JAG1: variants seen among roughly 807,000 people sequenced by gnomAD.
JAG1 encodes the protein protein jagged-1.
JAG1 carries 23 observed loss-of-function variants against 148.7 expected under a neutral mutation model. That is an observed-to-expected ratio of 0.15 (90% CI 0.11 to 0.22). JAG1 has a LOEUF of 0.22. Ranked by LOEUF, JAG1 falls within the 10% of genes least tolerant of loss-of-function variation. JAG1 has a pLI of 1.00. For synonymous variants in JAG1, 572 were observed against 598.3 expected, an observed-to-expected ratio of 0.96 and a Z score of 0.64; for missense variants, 1,054 against 1,611.2, an observed-to-expected ratio of 0.65 and a Z score of 5.92.
chr20:10,668,234 C>CCT (rs2067470450), intron 2 of JAG1, among the ~76,000 whole-genome samples: 1 of 152,062 alleles, frequency 6.6e-6, no homozygotes, highest in Non-Finnish European at 1.5e-5. Flanking sequence ...AACCCAGGAC[C>CCT]CTCCTCCATT....
chr20:10,662,256 C>T (rs1249820208), intron 3 of JAG1: 1 of 152,134 alleles, frequency 6.6e-6, no homozygotes, highest in African/African-American at 2.4e-5. Flanking sequence ...GGAGATGAAA[C>T]ATCCTAGAAC....
chr20:10,657,350 T>TAA lies in JAG1; in HGVS notation c.695-894_695-893dup, dbSNP rs34844219. Among the ~76,000 whole-genome samples, 1,393 of 141,204 alleles carry TAA rather than the reference T, an allele frequency of 9.9e-3. 8 individuals carry two copies. The highest frequency in any genetic ancestry group is 0.012 in the Non-Finnish European group (770 of 64,972). 92.6% of individuals were successfully genotyped at this position (141,204 alleles called of 152,430 possible). A position where few individuals can be genotyped will look rare whatever the true frequency, so the allele number is the denominator to read the frequency against. ...GGGTGACAAAGTGAGCACCTTATCT[T>TAA]AAAAAAAAAAAAAAACACCAAACAA... On this transcript the variant is annotated intron_variant, in intron 4 of 25. Transcript: ENST00000254958.
In JAG1 at chr20:10,639,519, G is replaced by C; in HGVS notation, c.3636C>G (p.Asn1212Lys). 6.2e-7 allele frequency: 1 copy of C among 1,614,146 alleles called. No homozygotes were observed. Among genetic ancestry groups the C allele is most frequent in the Non-Finnish European group, 8.5e-7 (1 of 1,180,022 alleles). Residue 1212 changes from asparagine (N) to lysine (K), a missense_variant, in exon 26 of 26, where the codon AAC (asparagine) becomes AAG (lysine). Coordinates refer to ENST00000254958, the MANE Select transcript of JAG1 (RefSeq NM_000214.3). Reference sequence around the variant, plus strand: ...TCTGCTATACGATGTACTCCATTCGGTTTAAGCTCTGGGCACTTTCCAAGT... The same window carrying C: ...TCTGCTATACGATGTACTCCATTCGCTTTAAGCTCTGGGCACTTTCCAAGT... Reference protein sequence around the residue: ...NRDLESAQSLNRMEYIV With the variant: ...NRDLESAQSLKRMEYIV
rs777219419 is a variant in JAG1, at chr20:10,639,128, CAA to C, written c.*368_*369del. 1.8e-4 allele frequency: 50 copies of C among 281,978 alleles called. No individual in the cohort carries two copies. The highest frequency in any genetic ancestry group is 2.3e-4 in the Admixed American group (5 of 22,050). 17.5% of individuals were successfully genotyped at this position (281,978 alleles called of 1,614,324 possible). On this transcript the variant is annotated 3_prime_UTR_variant, in exon 26 of 26. Transcript: ENST00000254958. ...ATAAAACCAATATACAAAAACAACTCAAGAGTCAATAAATATAAATAAAACTA... is the reference window on the plus strand; with the variant it reads ...ATAAAACCAATATACAAAAACAACTCGAGTCAATAAATATAAATAAAACTA...
chr20:10,667,600 T>C (rs1041040363), intron 2 of JAG1, among the ~76,000 whole-genome samples: 6 of 152,206 alleles, frequency 3.9e-5, no homozygotes, highest in Non-Finnish European at 4.4e-5. Context: ...AACTATCCTA[T>C]AGCATCTAGG....
At chr20:10,660,076 G>A (rs2067405770) in intron 3 of JAG1, among the ~76,000 whole-genome samples, 1 of 152,180 alleles carries the variant, frequency 6.6e-6, no homozygotes, top group African/African-American at 2.4e-5. Context: ...ATGTCTTTGT[G>A]ATTCTTACCC....
In JAG1 at chr20:10,639,802, T is replaced by A; in HGVS notation, c.3353A>T (p.Gln1118Leu). The A allele has an allele frequency of 6.2e-7, 1 of 1,614,220 alleles. No individual in the cohort carries two copies. Among genetic ancestry groups the A allele is most frequent in the Non-Finnish European group, 8.5e-7 (1 of 1,180,040 alleles). The change falls in exon 26 of 26, where the codon CAG becomes CTG. Residue 1118 changes from glutamine (Q) to leucine (L), a missense_variant. Coordinates refer to ENST00000254958, the MANE Select transcript of JAG1 (RefSeq NM_000214.3). ...AATGGGGTTTTTGATCTGGTTCAGC[T>A]GCTCCCGCACGTTGTTGGTGGTGTT... ...EDNTTNNVRE[Q>L]LNQIKNPIEK... is the part of the protein sequence containing the mutation.
At chr20:10,647,352 A>C (rs147851682) in intron 13 of JAG1, 1 of 554,608 alleles carries the variant, frequency 1.8e-6, no homozygotes, top group Non-Finnish European at 3.3e-6. Context: ...ATGCTTGTGG[A>C]TCCCCTTCAT....
At chr20:10,656,573 A>C in intron 4 of JAG1, 115 bp from the exon 5 acceptor site, 3 of 823,552 alleles carry the variant, frequency 3.6e-6, no homozygotes, top group Non-Finnish European at 4.1e-6. Context: ...AACAGGTCTC[A>C]TATCAAGTCC....
rs2122646137 is a variant in JAG1 at position 10,673,605 on chromosome 20, T to TCGCCGCTGCCCCTGCGGCCGC, written c.-96_-76dup. ...GCTGGTGCTGCCGCCGGTGCTGCCG[T>TCGCCGCTGCCCCTGCGGCCGC]CGCCGCTGCCCCTGCGGCCGCCGCG... On this transcript the variant is annotated 5_prime_UTR_variant, in exon 1 of 26. Coordinates refer to ENST00000254958, the MANE Select transcript of JAG1 (RefSeq NM_000214.3). The surrounding 1 kb of genome is among the most constrained non-coding windows in gnomAD (Gnocchi z 4.7). 1.2e-6 allele frequency: 1 copy of TCGCCGCTGCCCCTGCGGCCGC among 835,860 alleles called. No homozygotes were observed. Among genetic ancestry groups the TCGCCGCTGCCCCTGCGGCCGC allele is most frequent in the Admixed American group, 4.7e-5 (1 of 21,178 alleles). 51.8% of individuals were successfully genotyped at this position (835,860 alleles called of 1,614,324 possible).
Position 10,652,121 on chromosome 20 carries a change from G to C in JAG1, c.1006+10C>G, listed in dbSNP as rs1033712862. 11 of 1,613,536 alleles carry C rather than the reference G, an allele frequency of 6.8e-6. No individual in the cohort carries two copies. The highest frequency in any genetic ancestry group is 6.7e-5 in the African/African-American group (5 of 74,822). On this transcript the variant is annotated intron_variant, in intron 7 of 25. Transcript: ENST00000254958. ...AGACAAAGGGCTCTCATTCATCTTG[G>C]ACCACTTACCAATTTCACAGTTGGG...
rs566094118 is a variant in JAG1 at position 10,653,922 on chromosome 20, G to GT, written c.756-1325dup. 5.3e-5 allele frequency among the ~76,000 whole-genome samples: 8 copies of GT among 152,306 alleles called. No individual in the cohort carries two copies. The South Asian group carries it at 1.7e-3, about 32-fold the overall frequency. ...TGCAAAGAAATCACTAGAATGTGTG[G>GT]TTTAAAGTTAGACACTGGATTCTGG... On this transcript the variant is annotated intron_variant, in intron 5 of 25. Coordinates refer to ENST00000254958, the MANE Select transcript of JAG1 (RefSeq NM_000214.3).
rs779755662 is a variant in JAG1 at position 10,673,037 on chromosome 20, C to T, written c.82-31G>A. On this transcript the variant is annotated intron_variant, in intron 1 of 25. Coordinates refer to ENST00000254958, the MANE Select transcript of JAG1 (RefSeq NM_000214.3). This position sits in a 1 kb window ranked among gnomAD's most constrained non-coding sequence, Gnocchi z 4.7. ...GGCGAGGGAAGGAGGTAGGTCAGCG[C>T]GGGAGAAAGCTGTTTTCTTCGAGTA... is the stretch of plus-strand genomic sequence containing the variant. 6.3e-7 allele frequency: 1 copy of T among 1,597,974 alleles called. No individual in the cohort carries two copies. Among genetic ancestry groups the T allele is most frequent in the Non-Finnish European group, 8.5e-7 (1 of 1,177,086 alleles).
intron 14 of JAG1, 200 bp from the exon 15 acceptor site, chr20:10,646,284 G>A: frequency 5.0e-6 from 3 of 597,500 alleles, no homozygotes; most frequent in South Asian, 1.8e-5. Context: ...CCCACTTAAT[G>A]CCCTCACATG....
chr20:10,657,923 C>T (rs1250144424), intron 4 of JAG1, among the ~76,000 whole-genome samples: 1 of 152,192 alleles, frequency 6.6e-6, no homozygotes, highest in African/African-American at 2.4e-5. Flanking sequence ...CTGGGCTGAC[C>T]TAGTCCTGTC....
At chr20:10,646,210 A>C in intron 14 of JAG1, 126 bp from the exon 15 acceptor site, 1 of 715,456 alleles carries the variant, frequency 1.4e-6, no homozygotes, top group African/African-American at 1.7e-5. Context: ...GCTACCCTCC[A>C]TCAGGGCTGT....
Position 10,640,975 on chromosome 20 carries a change from C to CA in JAG1, c.3049-43dup, listed in dbSNP as rs763225505. 7 of 1,613,022 alleles carry CA rather than the reference C, an allele frequency of 4.3e-6. No individual in the cohort carries two copies. The African/African-American group carries it at 8.0e-5, about 18-fold the overall frequency. On this transcript the variant is annotated intron_variant, in intron 24 of 25. Transcript: ENST00000254958. ...CAGACTTGAGAGTCAGAGGAATACTCAAAGCAGCCTTTCTTCAAAATTACT... is the reference window on the plus strand; with the variant it reads ...CAGACTTGAGAGTCAGAGGAATACTCAAAAGCAGCCTTTCTTCAAAATTACT...
intron 2 of JAG1, among the ~76,000 whole-genome samples, chr20:10,670,174 C>A (rs186056381): frequency 7.9e-5 from 12 of 152,288 alleles, no homozygotes; most frequent in African/African-American, 2.9e-4. Flanking sequence ...GTTTCCTCCT[C>A]GTCCTCTCTA....
intron 2 of JAG1, among the ~76,000 whole-genome samples, chr20:10,666,716 C>T (rs1301743142): frequency 6.6e-6 from 1 of 152,188 alleles, no homozygotes; most frequent in East Asian, 1.9e-4. Context: ...CACTTCAGCC[C>T]CTTCCCAGCT....
Sources: gnomAD v4.1 joint callset for allele counts (sites outside exome capture counted in the v4.1 genomes callset) on GRCh38, gnomAD v4.1.1 for gene constraint, Gnocchi (gnomAD v3.1) non-coding constraint, MANE v1.5 for transcripts, NCBI Gene and HGNC (gene_info 2026-07-23, HGNC 2026-07-21) for gene names.